The following LRP1B variants were observed in gnomAD, a reference collection of about 807,000 sequenced individuals.
The protein encoded by LRP1B is low-density lipoprotein receptor-related protein 1B.
In LRP1B, 217 loss-of-function variants were observed where a neutral mutation model predicts 556.6. The observed-to-expected ratio is 0.39, with a 90% confidence interval of 0.35 to 0.44. The LOEUF is 0.44. Ranked by LOEUF, LRP1B falls within the 20% of genes least tolerant of loss-of-function variation. LRP1B has a pLI of 1.00. For synonymous variants in LRP1B, 2,047 were observed against 1,865.8 expected (o/e 1.10, Z -2.50); for missense variants, 5,053 against 5,620.8 (o/e 0.90, Z 3.23).
At chr2:141,064,977 C>T (rs370495442) in intron 7 of LRP1B, among the ~76,000 whole-genome samples, 1 of 151,852 alleles carries the variant, frequency 6.6e-6, no homozygotes, top group Non-Finnish European at 1.5e-5. Flanking sequence ...TATGATTTCC[C>T]TGAGAGACAA....
At chr2:142,044,743 T>TTCTGATACAGAAGCAC (rs1336091148) in intron 1 of LRP1B, among the ~76,000 whole-genome samples, 1 of 151,484 alleles carries the variant, frequency 6.6e-6, no homozygotes, top group Non-Finnish European at 1.5e-5. Context: ...TCAAGGGGCA[T>TTCTGATACAGAAGCAC]TCTGATACAG....
chr2:141,072,996 T>C (rs1018529160), intron 7 of LRP1B, among the ~76,000 whole-genome samples: 3 of 152,088 alleles, frequency 2.0e-5, no homozygotes, highest in Non-Finnish European at 4.4e-5. Flanking sequence ...TTCTTCTGCA[T>C]CTTCAACTTC....
intron 31 of LRP1B, among the ~76,000 whole-genome samples, chr2:140,814,278 A>C (rs1343631183): frequency 6.6e-6 from 1 of 152,170 alleles, no homozygotes; most frequent in Admixed American, 6.5e-5. Context: ...GCACCCAGCC[A>C]ACATAAACAG....
intron 66 of LRP1B, among the ~76,000 whole-genome samples, chr2:140,432,453 A>T (rs1426309898): frequency 6.6e-6 from 1 of 152,240 alleles, no homozygotes; most frequent in Non-Finnish European, 1.5e-5. Flanking sequence ...GAGTCCATAA[A>T]GAGCTTTATT....
At chr2:140,441,133 G>C (rs562640343) in intron 66 of LRP1B, among the ~76,000 whole-genome samples, 33 of 152,196 alleles carry the variant, frequency 2.2e-4, no homozygotes, top group African/African-American at 7.2e-4. Context: ...TTACTAGGGT[G>C]ATTGATAATA....
chr2:140,303,808 C>G (rs574411406), intron 83 of LRP1B, among the ~76,000 whole-genome samples: 18 of 152,034 alleles, frequency 1.2e-4, no homozygotes, highest in East Asian at 5.8e-4. Flanking sequence ...TCCCTCCCCC[C>G]CTCCTCCCAC....
intron 3 of LRP1B, among the ~76,000 whole-genome samples, chr2:141,388,608 A>T (rs1689929649): frequency 6.6e-6 from 1 of 152,146 alleles, no homozygotes; most frequent in South Asian, 2.1e-4. Flanking sequence ...TAAAACAACA[A>T]TGCTCACTTT....
intron 1 of LRP1B, among the ~76,000 whole-genome samples, chr2:142,104,270 T>C (rs1706671741): frequency 6.6e-6 from 1 of 152,084 alleles, no homozygotes; most frequent in African/African-American, 2.4e-5. Context: ...TAAATCCCCA[T>C]TCTTTTACGG....
Position 140,768,330 on chromosome 2 carries a change from AT to A in LRP1B, c.5758+882del, listed in dbSNP as rs375454456. Among the ~76,000 whole-genome samples, 49 of 152,030 alleles carry A rather than the reference AT, an allele frequency of 3.2e-4. No individual in the cohort carries two copies. The East Asian group carries it at 6.8e-3, about 21-fold the overall frequency. Reference sequence around the variant, plus strand: ...GATTACAATGATTCTTTTTTTTAATATTATAAATCAAATAGCTATTTGTTTT... The same window carrying A: ...GATTACAATGATTCTTTTTTTTAATATATAAATCAAATAGCTATTTGTTTT... On this transcript the variant is annotated intron_variant, in intron 35 of 90. Coordinates refer to ENST00000389484, the MANE Select transcript of LRP1B (RefSeq NM_018557.3).
intron 7 of LRP1B, among the ~76,000 whole-genome samples, chr2:141,161,656 T>C (rs1680039178): frequency 6.6e-6 from 1 of 152,068 alleles, no homozygotes; most frequent in African/African-American, 2.4e-5. Flanking sequence ...ATAGAGATAA[T>C]TTCTCCCTTC....
chr2:142,100,866 CCA>C (rs1241905922), intron 1 of LRP1B, among the ~76,000 whole-genome samples: 2 of 151,842 alleles, frequency 1.3e-5, no homozygotes, highest in East Asian at 1.9e-4. Context: ...CTCCTTGTCC[CCA>C]CACACGTTTC....
At position 141,712,179 on chromosome 2, in the gene LRP1B, C is replaced by T. The variant is rs192701775; in HGVS notation, c.205+98100G>A. On this transcript the variant is annotated intron_variant, in intron 2 of 90. Coordinates refer to ENST00000389484, the MANE Select transcript of LRP1B (RefSeq NM_018557.3). ...ACAATTAACTTTCCCAATTTGGGAA[C>T]ATTAATGTTTAATGTAATGCCAATT... 1.1e-3 allele frequency among the ~76,000 whole-genome samples: 171 copies of T among 151,938 alleles called. No homozygotes were observed. In the Middle Eastern group the frequency reaches 0.027, roughly 24 times the overall value.
intron 10 of LRP1B, among the ~76,000 whole-genome samples, chr2:141,052,103 T>C (rs1699052083): frequency 1.3e-5 from 2 of 152,038 alleles, no homozygotes. Context: ...AATACTGAGA[T>C]AAGCATAATT....
At chr2:141,075,493 AT>A (rs58986770) in intron 7 of LRP1B, among the ~76,000 whole-genome samples, 1,885 of 152,244 alleles carry the variant, frequency 0.012, 43 homozygotes, top group African/African-American at 0.044. Flanking sequence ...GGGCAGTGCT[AT>A]TTTAGCATTC....
intron 1 of LRP1B, among the ~76,000 whole-genome samples, chr2:141,984,178 C>G (rs774230973): frequency 1.4e-4 from 21 of 152,022 alleles, no homozygotes; most frequent in Non-Finnish European, 2.8e-4. Flanking sequence ...TTAAATTATA[C>G]TTTAAGTTTT....
At chr2:141,256,965 G>T (rs1199534087) in intron 3 of LRP1B, among the ~76,000 whole-genome samples, 2 of 151,910 alleles carry the variant, frequency 1.3e-5, no homozygotes, top group East Asian at 3.9e-4. Context: ...TCAAAGAGAA[G>T]AGGTATCAGC....
chr2:141,993,087 A>G (rs184361364), intron 1 of LRP1B, among the ~76,000 whole-genome samples: 14 of 152,214 alleles, frequency 9.2e-5, no homozygotes, highest in African/African-American at 3.1e-4. Flanking sequence ...AACCAAGCTG[A>G]AAGAGTTCTG....
rs189128981 is a variant in LRP1B, at chr2:140,303,807, C to T, written c.12806-5838G>A. Among the ~76,000 whole-genome samples the T allele has an allele frequency of 3.8e-3, 585 of 152,018 alleles. 3 individuals carry two copies. The highest frequency in any genetic ancestry group is 6.8e-3 in the Middle Eastern group (2 of 294). ...ATATCTCCTAATCCTATCCCTCCCC[C>T]CCTCCTCCCACCCAATGACAGGCCC... On this transcript the variant is annotated intron_variant, in intron 83 of 90. Coordinates refer to ENST00000389484, the MANE Select transcript of LRP1B (RefSeq NM_018557.3).
intron 47 of LRP1B, among the ~76,000 whole-genome samples, 160 bp from the exon 48 acceptor site, chr2:140,526,510 G>T (rs1690441774): frequency 6.6e-6 from 1 of 151,642 alleles, no homozygotes; most frequent in African/African-American, 2.4e-5. Flanking sequence ...TCAAGCGTGG[G>T]TTAGATGCCT....
Sources: gnomAD v4.1 joint callset for allele counts (sites outside exome capture counted in the v4.1 genomes callset) on GRCh38, gnomAD v4.1.1 for gene constraint, MANE v1.5 for transcripts, NCBI Gene and HGNC (gene_info 2026-07-23, HGNC 2026-07-21) for gene names.